DAB1: variants seen among roughly 807,000 people sequenced by gnomAD.
The protein encoded by DAB1 is DAB adaptor protein 1.
A neutral mutation model predicts 64.6 loss-of-function variants in DAB1; 15 were observed. The ratio of observed to expected loss-of-function variants is 0.23; its 90% confidence interval spans 0.16 to 0.36. DAB1 has a LOEUF of 0.36. Ranked by LOEUF, DAB1 falls within the 10% of genes least tolerant of loss-of-function variation. The pLI is 1.00. For missense variants in DAB1, 596 were observed against 706.7 expected (o/e 0.84, Z 1.78); for synonymous variants, 235 against 251.9 (o/e 0.93, Z 0.64).
At chr1:57,171,593 CA>C (rs1661771275) in intron 2 of DAB1, among the ~76,000 whole-genome samples, 1 of 152,158 alleles carries the variant, frequency 6.6e-6, no homozygotes, top group East Asian at 1.9e-4. Context: ...TTCTTACTGT[CA>C]AATCTTCCAC....
intron 6 of DAB1, among the ~76,000 whole-genome samples, chr1:57,793,844 C>G (rs1650718386): frequency 6.6e-6 from 1 of 152,136 alleles, no homozygotes; most frequent in African/African-American, 2.4e-5. Context: ...AAAGAGGCAG[C>G]CTTGGGGATC....
At chr1:57,172,449 G>C (rs181255291) in intron 2 of DAB1, among the ~76,000 whole-genome samples, 47 of 152,342 alleles carry the variant, frequency 3.1e-4, no homozygotes, top group African/African-American at 1.1e-3. Flanking sequence ...TGGCCAAATG[G>C]CATTGTCTTA....
intron 1 of DAB1, chr1:58,536,555 C>G: frequency 4.6e-6 from 4 of 872,814 alleles, no homozygotes; most frequent in South Asian, 1.3e-5. Context: ...ACTGTTCTTT[C>G]CCCAATAATA....
intron 2 of DAB1, among the ~76,000 whole-genome samples, chr1:57,207,592 C>T (rs544009283): frequency 3.4e-5 from 5 of 148,172 alleles, no homozygotes; most frequent in Admixed American, 2.1e-4. Context: ...TACAGGCGCC[C>T]GCCACTACGC....
At chr1:57,767,937 G>C (rs1649388222) in intron 6 of DAB1, among the ~76,000 whole-genome samples, 1 of 151,974 alleles carries the variant, frequency 6.6e-6, no homozygotes, top group Non-Finnish European at 1.5e-5. Flanking sequence ...AGCATTTTGG[G>C]AGGCTGAGGC....
intron 9 of DAB1, among the ~76,000 whole-genome samples, chr1:57,049,525 G>A (rs74077328): frequency 0.024 from 3,608 of 148,906 alleles, 143 homozygotes; most frequent in African/African-American, 0.084. Flanking sequence ...AGAGCCTACA[G>A]GGAGGAGACA....
Position 57,072,354 on chromosome 1 carries a change from G to A in DAB1, c.367C>T (p.His123Tyr). The A allele has an allele frequency of 6.2e-7, 1 of 1,613,764 alleles. No homozygotes were observed. The highest frequency in any genetic ancestry group is 8.5e-7 in the Non-Finnish European group (1 of 1,179,786). ...CCACAAACATATCCAAAGGCCCGGTGATCTGTAATGTCCTTTGCAATGTAG... is the reference window on the plus strand; with the variant it reads ...CCACAAACATATCCAAAGGCCCGGTAATCTGTAATGTCCTTTGCAATGTAG... ...ISYIAKDITD[H>Y]RAFGYVCGKE... The change falls in exon 5 of 15, where the codon CAC (histidine) becomes TAC (tyrosine). Residue 123 changes from histidine to tyrosine, a missense_variant. His to Tyr is a moderately conservative substitution (Grantham distance 83, BLOSUM62 2). This residue lies in a region of DAB1 where 176 missense variants were observed against 266.7 expected (regional missense o/e 0.66). Coordinates refer to ENST00000371236, the MANE Select transcript of DAB1 (RefSeq NM_001365792.1).
chr1:57,578,401 C>A (rs1358438057), intron 7 of DAB1, among the ~76,000 whole-genome samples: 4 of 152,144 alleles, frequency 2.6e-5, no homozygotes, highest in African/African-American at 9.7e-5. Context: ...GTGAAAAAAG[C>A]TTCATGGGCT....
chr1:58,327,255 AT>A (rs964120859), intron 4 of DAB1, among the ~76,000 whole-genome samples: 5 of 152,108 alleles, frequency 3.3e-5, no homozygotes, highest in Non-Finnish European at 5.9e-5. Flanking sequence ...TTTTCTTCCC[AT>A]GATAATAAAT....
chr1:58,087,603 GA>G (rs755511120), intron 5 of DAB1, among the ~76,000 whole-genome samples: 34 of 152,114 alleles, frequency 2.2e-4, no homozygotes, highest in Non-Finnish European at 4.0e-4. Flanking sequence ...TAGAAAACTG[GA>G]ACTGAGTGGG....
At chr1:57,468,186 T>C (rs1409593823) in intron 7 of DAB1, among the ~76,000 whole-genome samples, 2 of 152,210 alleles carry the variant, frequency 1.3e-5, no homozygotes, top group East Asian at 3.9e-4. Flanking sequence ...GCTTGGCATA[T>C]AGGAAGAGCT....
chr1:57,925,086 A>C (rs1644860908), intron 5 of DAB1, among the ~76,000 whole-genome samples: 1 of 152,202 alleles, frequency 6.6e-6, no homozygotes, highest in African/African-American at 2.4e-5. Context: ...TGGGCTCAAA[A>C]GGAAACTCAG....
intron 6 of DAB1, among the ~76,000 whole-genome samples, chr1:57,776,060 A>G (rs539247590): frequency 9.2e-5 from 14 of 151,854 alleles, no homozygotes; most frequent in Admixed American, 8.5e-4. Context: ...CCAACCATTT[A>G]CTTTTAGCCT....
chr1:57,573,560 T>C lies in DAB1; in HGVS notation n.625+76032A>G, dbSNP rs373391570. On this transcript the variant is annotated intron_variant and non_coding_transcript_variant, in intron 7 of 20. Coordinates refer to the DAB1 transcript ENST00000485760. ...GTTATTGCTCTAAACAAATAGAAGC[T>C]GTCTCTGAGTTTGGATATCAGTGGA... Among the ~76,000 whole-genome samples, 149 of 152,368 alleles carry C rather than the reference T, an allele frequency of 9.8e-4. 1 individual carries two copies. Among genetic ancestry groups the C allele is most frequent in the African/African-American group, 3.3e-3 (139 of 41,598 alleles).
At chr1:58,301,236 G>C (rs375682311) in intron 4 of DAB1, among the ~76,000 whole-genome samples, 4 of 141,870 alleles carry the variant, frequency 2.8e-5, no homozygotes, top group East Asian at 2.1e-4. Flanking sequence ...GGGTGGAGAG[G>C]GGGGGGTCAT....
At chr1:57,532,389 C>A (rs528755775) in intron 7 of DAB1, among the ~76,000 whole-genome samples, 1 of 152,220 alleles carries the variant, frequency 6.6e-6, no homozygotes, top group East Asian at 1.9e-4. Context: ...CATGTCCTTT[C>A]TCTTTATTGC....
intron 5 of DAB1, among the ~76,000 whole-genome samples, chr1:58,013,134 T>G (rs777395468): frequency 4.6e-5 from 7 of 152,198 alleles, no homozygotes; most frequent in Non-Finnish European, 8.8e-5. Flanking sequence ...CAGTCTGTGA[T>G]ATGAGAAACC....
chr1:57,540,938 T>A (rs1207502080), intron 7 of DAB1, among the ~76,000 whole-genome samples: 1 of 152,092 alleles, frequency 6.6e-6, no homozygotes, highest in Non-Finnish European at 1.5e-5. Context: ...TTAACAACAA[T>A]GTACTGTATA....
intron 6 of DAB1, among the ~76,000 whole-genome samples, chr1:57,736,365 T>C (rs941944689): frequency 6.6e-6 from 1 of 152,108 alleles, no homozygotes; most frequent in Admixed American, 6.5e-5. Flanking sequence ...AGAAAGACAT[T>C]TCTCTAAGGT....
Sources: allele counts gnomAD v4.1 joint callset (sites outside exome capture counted in the v4.1 genomes callset), GRCh38; gene constraint gnomAD v4.1.1; regional missense constraint gnomAD v4.1.1; transcripts MANE v1.5; gene names NCBI Gene and HGNC (gene_info 2026-07-23, HGNC 2026-07-21).